Variants in MRTFB observed in about 807,000 individuals in gnomAD.
MRTFB encodes myocardin-related transcription factor B.
A neutral mutation model predicts 104.2 loss-of-function variants in MRTFB; 29 were observed. The ratio of observed to expected loss-of-function variants is 0.28; its 90% CI spans 0.21 to 0.38. The LOEUF (loss-of-function observed/expected upper bound fraction) is 0.38, where lower values mean the gene tolerates loss of function less well. MRTFB is among the 10% of genes least tolerant of loss of function. The pLI, the probability that MRTFB is intolerant of heterozygous loss-of-function variation, is 1.00. For synonymous variants in MRTFB, 535 were observed against 519.5 expected (o/e 1.03, Z -0.41); for missense variants, 1,270 against 1,341.6 (o/e 0.95, Z 0.83).
intron 3 of MRTFB, among the ~76,000 whole-genome samples, chr16:14,181,324 T>G (rs1166152606): frequency 6.6e-6 from 1 of 152,124 alleles, no homozygotes; most frequent in African/African-American, 2.4e-5. Context: ...AAATATGTAT[T>G]TTACTAAAAA....
intron 3 of MRTFB, chr16:14,200,359 G>A (rs2151106223): frequency 1.8e-5 from 29 of 1,608,032 alleles, no homozygotes; most frequent in Middle Eastern, 3.3e-4. Context: ...GGGCCGCCAT[G>A]TTGCAGCAGG....
the MRTFB span, among the ~76,000 whole-genome samples, chr16:14,045,328 C>G: frequency 1.3e-5 from 2 of 152,196 alleles, no homozygotes; most frequent in Non-Finnish European, 2.9e-5. Flanking sequence ...ACACTCGCCT[C>G]CTAGGAGTTG....
Position 14,247,273 on chromosome 16 carries a change from C to A in MRTFB, c.2013C>A (p.Thr671=), listed in dbSNP as rs8046967. Residue 671 remains threonine, a synonymous_variant, in exon 12 of 17, where the codon ACC becomes ACA. Coordinates refer to ENST00000571589, the MANE Select transcript of MRTFB (RefSeq NM_001308142.2). The part of the protein sequence containing the change: ...VGQPVSTGGQ[T]LVAKKAVVIK... The stretch of plus-strand genomic sequence containing the variant: ...AGCCCGTCTCTACAGGTGGCCAGAC[C>A]CTTGTTGCCAAAAAGGCTGTAGTTA... The A allele has an allele frequency of 5.2e-4, 832 of 1,614,190 alleles. 2 individuals are homozygous for A. In the African/African-American group the frequency reaches 9.4e-3, roughly 18 times the overall value.
intron 3 of MRTFB, among the ~76,000 whole-genome samples, chr16:14,186,414 T>C (rs1345994126): frequency 6.6e-6 from 1 of 152,242 alleles, no homozygotes; most frequent in Non-Finnish European, 1.5e-5. Flanking sequence ...TATAAAGTAT[T>C]TCCATAGCCT....
At chr16:14,187,971 T>C (rs1466430585) in intron 3 of MRTFB, among the ~76,000 whole-genome samples, 1 of 152,174 alleles carries the variant, frequency 6.6e-6, no homozygotes, top group East Asian at 1.9e-4. Flanking sequence ...TTGCCCGTCT[T>C]ATAGAGACCC....
intron 1 of MRTFB, among the ~76,000 whole-genome samples, chr16:14,077,127 AT>A (rs1166355313): frequency 9.9e-5 from 15 of 152,192 alleles, no homozygotes; most frequent in Non-Finnish European, 2.2e-4. Flanking sequence ...CTTTCTTTAC[AT>A]TTTATGTACT....
At chr16:14,186,475 T>G (rs1177914862) in intron 3 of MRTFB, among the ~76,000 whole-genome samples, 1 of 152,228 alleles carries the variant, frequency 6.6e-6, no homozygotes, top group Non-Finnish European at 1.5e-5. Flanking sequence ...GCAATTTGTC[T>G]TCTTAGGTAT....
At chr16:14,195,681 A>G in intron 3 of MRTFB, 1 of 469,006 alleles carries the variant, frequency 2.1e-6, no homozygotes, top group Non-Finnish European at 2.8e-6. Flanking sequence ...ATTAAGAAAC[A>G]TGAGAACATT....
rs13329901 is a variant in MRTFB at position 14,234,315 on chromosome 16, G to A, written c.831+32G>A. On this transcript the variant is annotated intron_variant, in intron 9 of 16. Coordinates refer to ENST00000571589, the MANE Select transcript of MRTFB (RefSeq NM_001308142.2). ...ACTTTGGATACACCCTGGGTTTGGT[G>A]GCTTTATTTGTGACTCTGTCTATAA... 0.013 allele frequency: 20,373 copies of A among 1,606,788 alleles called. 1,955 individuals carry two copies. The African/African-American group carries it at 0.22, about 18-fold the overall frequency.
chr16:14,259,144 A>T (rs1033809113), intron 16 of MRTFB, among the ~76,000 whole-genome samples: 1 of 152,220 alleles, frequency 6.6e-6, no homozygotes, highest in Non-Finnish European at 1.5e-5. Flanking sequence ...TACAAAAATA[A>T]CTTCAGCCGG....
chr16:14,076,484 T>A (rs1034521698), intron 1 of MRTFB, among the ~76,000 whole-genome samples: 1 of 152,234 alleles, frequency 6.6e-6, no homozygotes, highest in Non-Finnish European at 1.5e-5. Flanking sequence ...CATGAGCTAC[T>A]GCACCTGGCC....
At chr16:14,000,935 C>G in the MRTFB span, among the ~76,000 whole-genome samples, 2 of 152,244 alleles carry the variant, frequency 1.3e-5, no homozygotes, top group African/African-American at 2.4e-5. Context: ...TCAAAATAAA[C>G]CAACGTAGGA....
At position 14,218,934 on chromosome 16, in the gene MRTFB, C is replaced by G; in HGVS notation, c.629C>G (p.Ala210Gly). ...PASQESQGSAASPSEPKVSES... is the reference protein window; with the variant it reads ...PASQESQGSAGSPSEPKVSES... ...AGTCAGGAGTCACAGGGGTCAGCCGCGTCCCCAAGTGAGCCAAAAGTTAGT... is the reference window on the plus strand; with the variant it reads ...AGTCAGGAGTCACAGGGGTCAGCCGGGTCCCCAAGTGAGCCAAAAGTTAGT... Residue 210 changes from alanine (A) to glycine (G), a missense_variant, in exon 8 of 17, where the codon GCG becomes GGG. By Grantham distance (60) the Ala-to-Gly change is moderately conservative. Around this residue, in one of 3 missense-constraint regions of MRTFB, gnomAD observed 1,144 missense variants for 1,131.5 expected, o/e 1.01. Transcript: ENST00000571589. 1.2e-6 allele frequency: 2 copies of G among 1,614,070 alleles called. No homozygotes were observed. The highest frequency in any genetic ancestry group is 2.2e-5 in the South Asian group (2 of 91,062).
chr16:14,198,615 A>G (rs546436396), intron 3 of MRTFB, among the ~76,000 whole-genome samples: 1 of 152,324 alleles, frequency 6.6e-6, no homozygotes, highest in African/African-American at 2.4e-5. Context: ...TTCACAGTCT[A>G]CAGTGATTAT....
At chr16:14,017,711 A>ATATATATATTT in the MRTFB span, among the ~76,000 whole-genome samples, 1 of 33,612 alleles carries the variant, frequency 3.0e-5, no homozygotes, top group Non-Finnish European at 5.0e-5. Flanking sequence ...ATATATATAT[A>ATATATATATTT]TTTTTTTTTT....
At chr16:14,101,090 T>C (rs1420646496) in intron 2 of MRTFB, among the ~76,000 whole-genome samples, 1 of 151,978 alleles carries the variant, frequency 6.6e-6, no homozygotes, top group Non-Finnish European at 1.5e-5. Context: ...TTCTCTTTTC[T>C]GCTTACTCTC....
chr16:14,031,220 C>G, the MRTFB span, among the ~76,000 whole-genome samples: 1 of 151,904 alleles, frequency 6.6e-6, no homozygotes, highest in Non-Finnish European at 1.5e-5. Flanking sequence ...GGCAAGAGCC[C>G]ATCTCCACAA....
chr16:14,189,214 T>G (rs1292069771), intron 3 of MRTFB, among the ~76,000 whole-genome samples: 1 of 152,218 alleles, frequency 6.6e-6, no homozygotes, highest in Non-Finnish European at 1.5e-5. Flanking sequence ...AAGGCACTTT[T>G]AAAATTTGGA....
At chr16:14,032,146 A>G in the MRTFB span, among the ~76,000 whole-genome samples, 2 of 152,212 alleles carry the variant, frequency 1.3e-5, no homozygotes, top group Non-Finnish European at 2.9e-5. Flanking sequence ...ACTAGGAGAC[A>G]GCGTCAGGAT....
Sources: gnomAD v4.1 joint callset for allele counts (sites outside exome capture counted in the v4.1 genomes callset) on GRCh38, gnomAD v4.1.1 for gene constraint, gnomAD v4.1.1 regional missense constraint, MANE v1.5 for transcripts, NCBI Gene and HGNC (gene_info 2026-07-23, HGNC 2026-07-21) for gene names.